The following ANTXR1 variants were observed in gnomAD, a reference collection of about 807,000 sequenced individuals.
ANTXR1 encodes anthrax toxin receptor 1.
In ANTXR1, 19 loss-of-function variants were observed where a neutral mutation model predicts 78.1. The ratio of observed to expected loss-of-function variants is 0.24; its 90% CI spans 0.17 to 0.36. The LOEUF (loss-of-function observed/expected upper bound fraction) is 0.36, where lower values mean the gene tolerates loss of function less well. Ranked by LOEUF, ANTXR1 falls within the 10% of genes least tolerant of loss-of-function variation. ANTXR1 has a pLI of 1.00. For missense variants in ANTXR1, 518 were observed against 718.6 expected, an observed-to-expected ratio of 0.72 and a Z score of 3.19; for synonymous variants, 273 against 260.5, an observed-to-expected ratio of 1.05 and a Z score of -0.46.
chr2:69,076,514 T>C (rs921964776), intron 7 of ANTXR1, among the ~76,000 whole-genome samples: 2 of 152,224 alleles, frequency 1.3e-5, no homozygotes, highest in Non-Finnish European at 2.9e-5. Flanking sequence ...AAAATGCTCA[T>C]GATATATCAT....
intron 3 of ANTXR1, among the ~76,000 whole-genome samples, chr2:69,050,595 G>C (rs1407687285): frequency 6.6e-6 from 1 of 151,972 alleles, no homozygotes; most frequent in Admixed American, 6.5e-5. Context: ...TTCAAAGTTT[G>C]ATATAACTCA....
chr2:69,074,071 G>C (rs1670655508), intron 6 of ANTXR1, among the ~76,000 whole-genome samples: 1 of 152,200 alleles, frequency 6.6e-6, no homozygotes, highest in Admixed American at 6.5e-5. Context: ...AGAAACTAGA[G>C]GCACAGAGGT....
chr2:69,201,921 T>C (rs1674782165), intron 17 of ANTXR1, among the ~76,000 whole-genome samples: 3 of 152,158 alleles, frequency 2.0e-5, no homozygotes. Flanking sequence ...AGGAACTCTC[T>C]GGGTTGCTCA....
intron 10 of ANTXR1, chr2:69,103,216 C>T (rs1671684972): frequency 1.1e-5 from 5 of 470,960 alleles, no homozygotes; most frequent in Admixed American, 9.9e-5. Context: ...AGCCACAAGC[C>T]CCAGCCCTGC....
At chr2:69,159,429 G>T (rs920343867) in intron 13 of ANTXR1, among the ~76,000 whole-genome samples, 1 of 151,716 alleles carries the variant, frequency 6.6e-6, no homozygotes, top group African/African-American at 2.4e-5. Flanking sequence ...ATAAAGTTCC[G>T]GAAATTAGTT....
chr2:69,027,782 A>G (rs1671392200), intron 1 of ANTXR1, among the ~76,000 whole-genome samples: 1 of 151,722 alleles, frequency 6.6e-6, no homozygotes, highest in Non-Finnish European at 1.5e-5. Flanking sequence ...GAGGTGGAAG[A>G]ATAATATATT....
intron 3 of ANTXR1, among the ~76,000 whole-genome samples, chr2:69,045,722 C>T (rs1213530508): frequency 1.3e-5 from 2 of 151,802 alleles, no homozygotes; most frequent in Non-Finnish European, 2.9e-5. Flanking sequence ...ATTTTTTTTC[C>T]CATGACTTTG....
At chr2:69,133,995 A>G (rs1331978482) in intron 12 of ANTXR1, among the ~76,000 whole-genome samples, 2 of 152,210 alleles carry the variant, frequency 1.3e-5, no homozygotes, top group Admixed American at 1.3e-4. Flanking sequence ...GTAGATGCCC[A>G]ATCTTAGTTT....
intron 1 of ANTXR1, among the ~76,000 whole-genome samples, chr2:69,025,726 A>G (rs1671321380): frequency 6.6e-6 from 1 of 152,248 alleles, no homozygotes; most frequent in African/African-American, 2.4e-5. Flanking sequence ...ATTAGACAAC[A>G]CTAAGCATAA....
rs746614227 is a variant in ANTXR1 at position 69,141,670 on chromosome 2, T to C, written c.952-10499T>C. Among the ~76,000 whole-genome samples the C allele has an allele frequency of 2.7e-4, 41 of 152,334 alleles. 2 individuals are homozygous for C. Among genetic ancestry groups the C allele is most frequent in the South Asian group, 1.7e-3 (8 of 4,818 alleles). On this transcript the variant is annotated intron_variant, in intron 12 of 17. Transcript: ENST00000303714. ...TTTTATGTCTTAATATAATTTAAGA[T>C]TAACTGTATTGAAAAAATGCTGAAG... is the stretch of plus-strand genomic sequence containing the variant.
intron 7 of ANTXR1, among the ~76,000 whole-genome samples, chr2:69,075,898 T>C (rs905329118): frequency 8.5e-5 from 13 of 152,208 alleles, no homozygotes; most frequent in African/African-American, 2.7e-4. Flanking sequence ...AAACATTAAA[T>C]TGCCAGGATG....
rs1676005977 is a variant in ANTXR1, at chr2:69,245,643, G to A, written c.*158G>A. 3.0e-6 allele frequency: 3 copies of A among 1,003,512 alleles called. No individual in the cohort carries two copies. Among genetic ancestry groups the A allele is most frequent in the Non-Finnish European group, 2.9e-6 (2 of 683,468 alleles). 62.2% of individuals were successfully genotyped at this position (1,003,512 alleles called of 1,614,324 possible). ...AGTATACCAACAATCATGATCAGCTGAAAGAAACAGATATTTTAAATTGCC... is the reference window on the plus strand; with the variant it reads ...AGTATACCAACAATCATGATCAGCTAAAAGAAACAGATATTTTAAATTGCC... On this transcript the variant is annotated 3_prime_UTR_variant, in exon 18 of 18. Transcript: ENST00000303714.
chr2:69,187,859 G>T (rs1229823275), intron 16 of ANTXR1, among the ~76,000 whole-genome samples: 3 of 151,486 alleles, frequency 2.0e-5, no homozygotes, highest in Admixed American at 1.3e-4. Context: ...ATAGTGCTAG[G>T]ATTACAGGCA....
chr2:69,149,199 C>T (rs1424530002), intron 12 of ANTXR1, among the ~76,000 whole-genome samples: 1 of 152,206 alleles, frequency 6.6e-6, no homozygotes, highest in East Asian at 1.9e-4. Flanking sequence ...TTTCCACCCA[C>T]CAGGACCCCC....
At chr2:69,096,137 A>G (rs947416919) in intron 9 of ANTXR1, among the ~76,000 whole-genome samples, 13 of 151,968 alleles carry the variant, frequency 8.6e-5, no homozygotes, top group Non-Finnish European at 1.8e-4. Context: ...GGGCTCCTGT[A>G]GTCCCAGCTA....
intron 17 of ANTXR1, among the ~76,000 whole-genome samples, chr2:69,209,385 C>A (rs1218830912): frequency 6.6e-6 from 1 of 152,248 alleles, no homozygotes; most frequent in Admixed American, 6.5e-5. Context: ...GGGAAATTAT[C>A]TTTACAGAGG....
intron 4 of ANTXR1, among the ~76,000 whole-genome samples, 158 bp from the exon 5 acceptor site, chr2:69,071,596 A>C (rs1056458216): frequency 2.0e-5 from 3 of 152,228 alleles, no homozygotes; most frequent in African/African-American, 7.2e-5. Context: ...CTTTACATGG[A>C]TATCAGCCAC....
chr2:69,181,746 T>G, intron 14 of ANTXR1, 40 bp from the exon 15 acceptor site: 1 of 1,594,776 alleles, frequency 6.3e-7, no homozygotes. Flanking sequence ...CACACAGCAG[T>G]GCTGTTTTGC....
chr2:69,239,810 G>C (rs1675854024), intron 17 of ANTXR1, among the ~76,000 whole-genome samples: 1 of 152,132 alleles, frequency 6.6e-6, no homozygotes, highest in Admixed American at 6.5e-5. Flanking sequence ...TCAATGCCTG[G>C]AGTTCAAACC....
Sources: allele counts gnomAD v4.1 joint callset (sites outside exome capture counted in the v4.1 genomes callset), GRCh38; gene constraint gnomAD v4.1.1; transcripts MANE v1.5; gene names NCBI Gene and HGNC (gene_info 2026-07-23, HGNC 2026-07-21).